Variants in MSI2 observed in about 807,000 individuals in gnomAD.
MSI2 encodes the protein musashi RNA binding protein 2.
MSI2 carries 17 observed loss-of-function variants against 45.6 expected under a neutral mutation model. The ratio of observed to expected loss-of-function variants is 0.37; its 90% CI spans 0.26 to 0.56. The LOEUF (loss-of-function observed/expected upper bound fraction) is 0.56. Ranked by LOEUF, MSI2 falls within the 20% of genes least tolerant of loss-of-function variation. The pLI is 0.77. For synonymous variants in MSI2, 156 were observed against 158.2 expected (o/e 0.99, Z 0.11); for missense variants, 293 against 444.2 (o/e 0.66, Z 3.06).
At chr17:57,607,769 GGT>G (rs1906784017) in intron 8 of MSI2, among the ~76,000 whole-genome samples, 1 of 152,212 alleles carries the variant, frequency 6.6e-6, no homozygotes. Context: ...AGGCTTCTGG[GGT>G]GGGGCCTCAG....
intron 6 of MSI2, among the ~76,000 whole-genome samples, chr17:57,513,515 G>T (rs1421546265): frequency 6.6e-6 from 1 of 152,222 alleles, no homozygotes; most frequent in Admixed American, 6.5e-5. Flanking sequence ...GGACACATGG[G>T]TCATTGGCAG....
At chr17:57,636,552 G>A (rs1174748517) in intron 10 of MSI2, among the ~76,000 whole-genome samples, 5 of 152,204 alleles carry the variant, frequency 3.3e-5, no homozygotes, top group Admixed American at 6.5e-5. Flanking sequence ...CTGCCTTGGC[G>A]TCTCCTGTGT....
intron 2 of MSI2, 101 bp from the exon 3 acceptor site, chr17:57,257,365 C>G (rs1046587340): frequency 5.2e-6 from 4 of 766,696 alleles, no homozygotes; most frequent in Non-Finnish European, 8.2e-6. Context: ...AGAATAACAA[C>G]AGAAAACTAC....
chr17:57,678,813 C>T (rs548661085), intron 13 of MSI2, among the ~76,000 whole-genome samples: 8 of 152,292 alleles, frequency 5.3e-5, no homozygotes, highest in Admixed American at 2.0e-4. Flanking sequence ...ATTAGGTGAG[C>T]TCATAGAGTC....
chr17:57,498,128 A>G (rs901172921), intron 6 of MSI2, among the ~76,000 whole-genome samples: 1 of 152,174 alleles, frequency 6.6e-6, no homozygotes, highest in Non-Finnish European at 1.5e-5. Context: ...CTACCCTTAA[A>G]AAGTAAATAT....
At chr17:57,565,277 A>G (rs966154304) in intron 7 of MSI2, among the ~76,000 whole-genome samples, 5 of 152,158 alleles carry the variant, frequency 3.3e-5, no homozygotes, top group Non-Finnish European at 7.3e-5. Flanking sequence ...ATTTTTCTGT[A>G]GGATAAGCAC....
At chr17:57,583,676 G>A (rs2088269004) in intron 7 of MSI2, among the ~76,000 whole-genome samples, 1 of 152,022 alleles carries the variant, frequency 6.6e-6, no homozygotes. Context: ...GTTTCACTGT[G>A]TTCCCCAGGC....
intron 6 of MSI2, among the ~76,000 whole-genome samples, chr17:57,423,010 C>A (rs1281975228): frequency 6.6e-6 from 1 of 152,052 alleles, no homozygotes; most frequent in African/African-American, 2.4e-5. Context: ...GTATAGCAGC[C>A]TTCTATGAGG....
intron 8 of MSI2, among the ~76,000 whole-genome samples, chr17:57,606,030 C>T (rs544379761): frequency 1.3e-5 from 2 of 152,342 alleles, no homozygotes; most frequent in East Asian, 1.9e-4. Flanking sequence ...CCAAATAGTG[C>T]GGCCTGGGAA....
intron 6 of MSI2, among the ~76,000 whole-genome samples, chr17:57,446,319 T>C (rs543027226): frequency 2.0e-4 from 30 of 152,108 alleles, no homozygotes; most frequent in African/African-American, 7.0e-4. Context: ...CTGGCGACAG[T>C]GAGCAAATGA....
At chr17:57,570,128 G>A (rs1348456604) in intron 7 of MSI2, among the ~76,000 whole-genome samples, 1 of 152,198 alleles carries the variant, frequency 6.6e-6, no homozygotes, top group African/African-American at 2.4e-5. Context: ...TGGAAATGCC[G>A]ATGACATAGT....
intron 5 of MSI2, among the ~76,000 whole-genome samples, chr17:57,293,877 G>A (rs1240605718): frequency 6.7e-6 from 1 of 150,082 alleles, no homozygotes; most frequent in East Asian, 2.0e-4. Context: ...CAAAATGCTG[G>A]AATTACAGGC....
At chr17:57,592,421 G>A (rs1034204591) in intron 7 of MSI2, among the ~76,000 whole-genome samples, 1 of 152,130 alleles carries the variant, frequency 6.6e-6, no homozygotes, top group Non-Finnish European at 1.5e-5. Context: ...ATGATTATAT[G>A]TTAAGGAATA....
chr17:57,517,417 G>A (rs2086492019), intron 6 of MSI2, among the ~76,000 whole-genome samples: 1 of 152,206 alleles, frequency 6.6e-6, no homozygotes, highest in Non-Finnish European at 1.5e-5. Flanking sequence ...GGGATCAGAG[G>A]AGGCTGCTAT....
At chr17:57,428,240 A>G (rs955552982) in intron 6 of MSI2, among the ~76,000 whole-genome samples, 1 of 152,158 alleles carries the variant, frequency 6.6e-6, no homozygotes, top group African/African-American at 2.4e-5. Context: ...GTTTGTTTTT[A>G]TGAGACAAGG....
intron 10 of MSI2, among the ~76,000 whole-genome samples, chr17:57,634,392 G>T (rs1181046816): frequency 6.6e-6 from 1 of 152,136 alleles, no homozygotes; most frequent in Non-Finnish European, 1.5e-5. Context: ...CTTGAGCCTG[G>T]GAGGCGGAGG....
At chr17:57,290,858 C>T (rs1180625391) in intron 5 of MSI2, among the ~76,000 whole-genome samples, 2 of 149,880 alleles carry the variant, frequency 1.3e-5, no homozygotes, top group East Asian at 3.9e-4. Flanking sequence ...AATGAAGGGC[C>T]CCCGTGTCAT....
At chr17:57,699,276 G>GGA in the MSI2 span, among the ~76,000 whole-genome samples, 14 of 135,904 alleles carry the variant, frequency 1.0e-4, no homozygotes, top group South Asian at 2.4e-4. Context: ...GAAGAGCCAG[G>GGA]GAGAGAGAGA....
rs546276832 is a variant in MSI2, at chr17:57,682,974, G to T, written c.*3457G>T. On this transcript the variant is annotated 3_prime_UTR_variant, in exon 14 of 14. Coordinates refer to ENST00000284073, the MANE Select transcript of MSI2 (RefSeq NM_138962.4). ...CTAGCAGCTTCCACAGACTTGGCTC[G>T]TGGCCTTCCTTATATCCACTGGGAA... 2.1e-4 allele frequency: 48 copies of T among 229,050 alleles called. No individual in the cohort carries two copies. The highest frequency in any genetic ancestry group is 5.5e-4 in the South Asian group (3 of 5,494). The allele number at this position is 229,050 out of a possible 1,614,324, so 14.2% of individuals were successfully genotyped here.
Sources: allele counts gnomAD v4.1 joint callset (sites outside exome capture counted in the v4.1 genomes callset), GRCh38; gene constraint gnomAD v4.1.1; transcripts MANE v1.5; gene names NCBI Gene and HGNC (gene_info 2026-07-23, HGNC 2026-07-21).